Variants in NCOA3 observed in about 807,000 individuals in gnomAD.
The protein encoded by NCOA3 is CBP-interacting protein.
A neutral mutation model predicts 158.8 loss-of-function variants in NCOA3; 51 were observed. The ratio of observed to expected loss-of-function variants is 0.32; its 90% CI spans 0.26 to 0.41. The LOEUF (loss-of-function observed/expected upper bound fraction) is 0.41. NCOA3 is among the 10% of genes least tolerant of loss of function. NCOA3 has a pLI of 1.00. For synonymous variants in NCOA3, 537 were observed against 592.4 expected, an observed-to-expected ratio of 0.91 and a Z score of 1.36; for missense variants, 1,510 against 1,746.6, an observed-to-expected ratio of 0.86 and a Z score of 2.41.
intron 2 of NCOA3, among the ~76,000 whole-genome samples, chr20:47,593,870 A>G (rs2085696579): frequency 6.6e-6 from 1 of 152,170 alleles, no homozygotes; most frequent in Non-Finnish European, 1.5e-5. Flanking sequence ...CATAAGAATG[A>G]CATTCTTAGT....
At position 47,509,825 on chromosome 20, in the gene NCOA3, A is replaced by G. The variant is rs368420222; in HGVS notation, c.-99+7806A>G. Among the ~76,000 whole-genome samples the G allele has an allele frequency of 2.4e-4, 37 of 152,324 alleles. No homozygotes were observed. In the East Asian group the frequency reaches 6.2e-3, roughly 25 times the overall value. On this transcript the variant is annotated intron_variant, in intron 1 of 22. Coordinates refer to ENST00000371998, the MANE Select transcript of NCOA3 (RefSeq NM_181659.3). ...GTTTATCAAATTGTCCCTTTAGTCT[A>G]CTACACACTCTGTGTTCCATCCCAG...
chr20:47,568,829 T>TTGA (rs1298369251), intron 1 of NCOA3, among the ~76,000 whole-genome samples: 1 of 152,088 alleles, frequency 6.6e-6, no homozygotes, highest in Non-Finnish European at 1.5e-5. Flanking sequence ...AAAATGCTGA[T>TTGA]TGATCATCTT....
At chr20:47,625,062 C>T (rs566593129) in intron 4 of NCOA3, among the ~76,000 whole-genome samples, 10 of 152,266 alleles carry the variant, frequency 6.6e-5, no homozygotes, top group African/African-American at 1.2e-4. Flanking sequence ...TGTGAGCCAC[C>T]GCGCTGGGCC....
rs143854777 is a variant in NCOA3, at chr20:47,570,331, C to T, written c.-98-12852C>T. Reference sequence around the variant, plus strand: ...TGGCACATGCCTGTAGTCCCAGCTCCTCAGGAAGCTGAGGCAGGAGGATTG... The same window carrying T: ...TGGCACATGCCTGTAGTCCCAGCTCTTCAGGAAGCTGAGGCAGGAGGATTG... On this transcript the variant is annotated intron_variant, in intron 1 of 22. Coordinates refer to ENST00000371998, the MANE Select transcript of NCOA3 (RefSeq NM_181659.3). Among the ~76,000 whole-genome samples, 884 of 152,288 alleles carry T rather than the reference C, an allele frequency of 5.8e-3. 22 individuals are homozygous for T. The highest frequency in any genetic ancestry group is 0.053 in the Admixed American group (812 of 15,300).
intron 1 of NCOA3, among the ~76,000 whole-genome samples, chr20:47,552,645 T>A (rs1417003079): frequency 6.6e-6 from 1 of 152,318 alleles, no homozygotes; most frequent in Non-Finnish European, 1.5e-5. Context: ...ACTTTGTAGG[T>A]TTTAATTTTT....
At chr20:47,588,131 CTTTTTTTT>C (rs33989951) in intron 2 of NCOA3, among the ~76,000 whole-genome samples, 82 of 78,564 alleles carry the variant, frequency 1.0e-3, no homozygotes, top group African/African-American at 3.4e-3. Flanking sequence ...CTCCACCCCA[CTTTTTTTT>C]TTTTTTTTTT....
At chr20:47,643,551 C>T (rs1163395057) in intron 17 of NCOA3, among the ~76,000 whole-genome samples, 2 of 152,144 alleles carry the variant, frequency 1.3e-5, no homozygotes. Context: ...CTGTAGTTCT[C>T]TCTGTTTTAC....
intron 6 of NCOA3, 89 bp downstream of exon 6, chr20:47,627,265 A>G (rs2086337619): frequency 9.0e-7 from 1 of 1,116,972 alleles, no homozygotes; most frequent in Admixed American, 2.5e-5. Flanking sequence ...TAGGAAGTCA[A>G]GCGATCAAAT....
chr20:47,536,091 G>T (rs1051530139), intron 1 of NCOA3, among the ~76,000 whole-genome samples: 2 of 152,114 alleles, frequency 1.3e-5, no homozygotes, highest in African/African-American at 4.8e-5. Context: ...CACAAGATAG[G>T]GGGGCATGGC....
chr20:47,506,461 G>A (rs955243691), intron 1 of NCOA3, among the ~76,000 whole-genome samples: 1 of 152,194 alleles, frequency 6.6e-6, no homozygotes, highest in Non-Finnish European at 1.5e-5. Flanking sequence ...GAGACCTGCA[G>A]TGTGTAGAAG....
At chr20:47,515,474 T>TTTC (rs2084218444) in intron 1 of NCOA3, among the ~76,000 whole-genome samples, 1 of 145,316 alleles carries the variant, frequency 6.9e-6, no homozygotes, top group Non-Finnish European at 1.5e-5. Context: ...CTTTCTTTCT[T>TTTC]TTTTTTTTTT....
intron 1 of NCOA3, among the ~76,000 whole-genome samples, chr20:47,528,074 G>C (rs954321348): frequency 3.3e-5 from 5 of 152,114 alleles, no homozygotes; most frequent in Non-Finnish European, 5.9e-5. Flanking sequence ...CCCAGGCTTT[G>C]TTGGTACAAT....
At chr20:47,616,210 T>G (rs1261084265) in intron 2 of NCOA3, among the ~76,000 whole-genome samples, 1 of 148,518 alleles carries the variant, frequency 6.7e-6, no homozygotes. Flanking sequence ...GTTTTTTTTT[T>G]TGGACGGAGT....
intron 1 of NCOA3, among the ~76,000 whole-genome samples, chr20:47,575,401 T>C (rs2085357165): frequency 6.6e-6 from 1 of 152,192 alleles, no homozygotes; most frequent in African/African-American, 2.4e-5. Flanking sequence ...TATTGCCAAA[T>C]ATGCATAAAC....
At chr20:47,646,935 A>G in intron 17 of NCOA3, 138 bp from the exon 18 acceptor site, 1 of 693,912 alleles carries the variant, frequency 1.4e-6, no homozygotes, top group South Asian at 1.9e-5. Context: ...CATGTAGAGA[A>G]GTGATGCCTG....
intron 1 of NCOA3, among the ~76,000 whole-genome samples, chr20:47,552,890 T>G (rs924684994): frequency 4.6e-5 from 7 of 151,978 alleles, no homozygotes; most frequent in African/African-American, 1.7e-4. Context: ...AAAATGTGAT[T>G]GAAACAAACA....
intron 1 of NCOA3, among the ~76,000 whole-genome samples, chr20:47,546,746 G>A (rs1260484955): frequency 6.6e-6 from 1 of 151,992 alleles, no homozygotes; most frequent in Non-Finnish European, 1.5e-5. Flanking sequence ...GGTCAGGCTG[G>A]TCTTGAACTC....
intron 8 of NCOA3, among the ~76,000 whole-genome samples, chr20:47,632,027 C>T (rs1434183040): frequency 6.6e-6 from 1 of 152,178 alleles, no homozygotes; most frequent in African/African-American, 2.4e-5. Context: ...TTAGATCTTA[C>T]AAGGTTAAGG....
chr20:47,561,775 C>T (rs111754853), intron 1 of NCOA3, among the ~76,000 whole-genome samples: 12 of 152,120 alleles, frequency 7.9e-5, no homozygotes, highest in African/African-American at 2.9e-4. Context: ...CACATCATCA[C>T]CTAGAGTTCA....
Sources: gnomAD v4.1 joint callset for allele counts (sites outside exome capture counted in the v4.1 genomes callset) on GRCh38, gnomAD v4.1.1 for gene constraint, MANE v1.5 for transcripts, NCBI Gene and HGNC (gene_info 2026-07-23, HGNC 2026-07-21) for gene names.